ZFPM2: variants seen among roughly 807,000 people sequenced by gnomAD.
ZFPM2 encodes the protein zinc finger protein, FOG family member 2.
Under a neutral mutation model 98.6 loss-of-function variants are expected in ZFPM2, and 20 were observed. The observed-to-expected ratio is 0.20, with a 90% CI of 0.14 to 0.29. ZFPM2 has a LOEUF of 0.29. Among genes scored for constraint, ZFPM2 ranks in the 10% least tolerant of loss-of-function variants. The pLI is 1.00. For synonymous variants in ZFPM2, 518 were observed against 502.7 expected (o/e 1.03, Z -0.41); for missense variants, 1,310 against 1,388.6 (o/e 0.94, Z 0.90).
chr8:105,552,099 T>C (rs536110879), intron 3 of ZFPM2, among the ~76,000 whole-genome samples: 15 of 152,232 alleles, frequency 9.9e-5, no homozygotes, highest in Non-Finnish European at 2.2e-4. Flanking sequence ...GTTCTATTGA[T>C]GTTCTTTAAA....
At chr8:105,516,714 GT>G (rs1813929895) in intron 3 of ZFPM2, among the ~76,000 whole-genome samples, 1 of 152,060 alleles carries the variant, frequency 6.6e-6, no homozygotes, top group Non-Finnish European at 1.5e-5. Flanking sequence ...TTTGGCGAGG[GT>G]TGCTGTTCTG....
At chr8:105,375,140 G>A (rs1281331243) in intron 1 of ZFPM2, among the ~76,000 whole-genome samples, 4 of 151,980 alleles carry the variant, frequency 2.6e-5, no homozygotes, top group Non-Finnish European at 5.9e-5. Flanking sequence ...CCAGTCCATG[G>A]CAGCCTGGAT....
rs1317348344 is a variant in ZFPM2 at position 105,803,303 on chromosome 8, A to C, written c.3221A>C (p.Lys1074Thr). The C allele has an allele frequency of 6.3e-7, 1 of 1,595,494 alleles. No homozygotes were observed. The highest frequency in any genetic ancestry group is 1.1e-5 in the South Asian group (1 of 87,862). Residue 1074 changes from lysine to threonine, a missense_variant, in exon 8 of 8, where the codon AAA becomes ACA. Coordinates refer to ENST00000407775, the MANE Select transcript of ZFPM2 (RefSeq NM_012082.4). ...AATCCTCAGCACGAAGACGACCACAAATCTCCCTCGTGGATCTCTGAGAAC... is the reference window on the plus strand; with the variant it reads ...AATCCTCAGCACGAAGACGACCACACATCTCCCTCGTGGATCTCTGAGAAC... ...SQNPQHEDDH[K>T]SPSWISENPL...
rs143180363 is a variant in ZFPM2, at chr8:105,659,191, C to A, written c.532+24834C>A. ...TGTTTTGATCTGTATTTTATAGAAG[C>A]ATTGCCAGAGAAATACATTTTTAAG... is the stretch of plus-strand genomic sequence containing the variant. On this transcript the variant is annotated intron_variant, in intron 5 of 7. Coordinates refer to ENST00000407775, the MANE Select transcript of ZFPM2 (RefSeq NM_012082.4). Among the ~76,000 whole-genome samples the A allele has an allele frequency of 1.2e-3, 179 of 152,040 alleles. 1 individual carries two copies. Among genetic ancestry groups the A allele is most frequent in the African/African-American group, 4.2e-3 (176 of 41,476 alleles).
Position 105,332,086 on chromosome 8 carries a change from G to A in ZFPM2, c.40+13105G>A, listed in dbSNP as rs549342707. ...CTACATTTTATCTTTATGGGTCTTT[G>A]TTCTGTTCCGTAATCATGCCAAGCT... On this transcript the variant is annotated intron_variant, in intron 1 of 7. Coordinates refer to ENST00000407775, the MANE Select transcript of ZFPM2 (RefSeq NM_012082.4). Among the ~76,000 whole-genome samples, 30 of 151,742 alleles carry A rather than the reference G, an allele frequency of 2.0e-4. No individual in the cohort carries two copies. The East Asian group carries it at 4.9e-3, about 25-fold the overall frequency.
At chr8:105,579,946 A>T in intron 4 of ZFPM2, among the ~76,000 whole-genome samples, 1 of 152,162 alleles carries the variant, frequency 6.6e-6, no homozygotes. Context: ...GAACCAAGCC[A>T]TTGGCTAACC....
intron 3 of ZFPM2, among the ~76,000 whole-genome samples, chr8:105,532,534 G>A (rs1378807220): frequency 6.6e-6 from 1 of 152,158 alleles, no homozygotes; most frequent in East Asian, 1.9e-4. Context: ...ACAGTTACAT[G>A]TTTTAAAAAG....
intron 1 of ZFPM2, among the ~76,000 whole-genome samples, chr8:105,351,134 G>C (rs1812634383): frequency 7.4e-6 from 1 of 135,174 alleles, no homozygotes; most frequent in Non-Finnish European, 1.6e-5. Flanking sequence ...AGTGAGCCGA[G>C]ATCACACGAT....
intron 4 of ZFPM2, among the ~76,000 whole-genome samples, chr8:105,597,768 T>A (rs1347404859): frequency 1.3e-5 from 2 of 152,178 alleles, no homozygotes; most frequent in Non-Finnish European, 2.9e-5. Flanking sequence ...ATGTTTTAAA[T>A]GGTCTCCTAT....
intron 3 of ZFPM2, among the ~76,000 whole-genome samples, chr8:105,539,569 A>G (rs938262360): frequency 6.6e-6 from 1 of 152,202 alleles, no homozygotes; most frequent in Admixed American, 6.5e-5. Context: ...GACAATTTTT[A>G]TGTAGCGTCG....
At chr8:105,562,520 GGGCT>G (rs1479596271) in intron 4 of ZFPM2, among the ~76,000 whole-genome samples, 1 of 152,022 alleles carries the variant, frequency 6.6e-6, no homozygotes, top group East Asian at 1.9e-4. Context: ...GGGTGTCACT[GGGCT>G]AAAATCAAGG....
intron 3 of ZFPM2, among the ~76,000 whole-genome samples, chr8:105,465,582 T>C (rs1227027676): frequency 6.6e-6 from 1 of 151,930 alleles, no homozygotes; most frequent in African/African-American, 2.4e-5. Context: ...AAAAATATAG[T>C]TGATATATAT....
At chr8:105,381,298 A>G (rs1484229554) in intron 1 of ZFPM2, among the ~76,000 whole-genome samples, 2 of 151,892 alleles carry the variant, frequency 1.3e-5, no homozygotes, top group African/African-American at 2.4e-5. Flanking sequence ...TTCTGGCTGC[A>G]TAGTATTCCA....
intron 1 of ZFPM2, among the ~76,000 whole-genome samples, chr8:105,327,226 A>AT (rs1460141528): frequency 1.3e-5 from 2 of 151,634 alleles, no homozygotes; most frequent in Admixed American, 6.6e-5. Context: ...ATCTACATAG[A>AT]TTTTTTCAGT....
intron 5 of ZFPM2, among the ~76,000 whole-genome samples, chr8:105,744,540 A>G (rs1437076804): frequency 2.0e-5 from 3 of 152,130 alleles, no homozygotes; most frequent in Non-Finnish European, 4.4e-5. Flanking sequence ...TCACAAACTG[A>G]AAAAGGTCCA....
chr8:105,751,977 A>T (rs1166098121), intron 5 of ZFPM2, among the ~76,000 whole-genome samples: 1 of 152,064 alleles, frequency 6.6e-6, no homozygotes, highest in East Asian at 1.9e-4. Context: ...TACATTCGTT[A>T]TTGCATTGTG....
chr8:105,774,576 G>A (rs950428370), intron 5 of ZFPM2, among the ~76,000 whole-genome samples: 8 of 152,154 alleles, frequency 5.3e-5, no homozygotes, highest in Non-Finnish European at 1.2e-4. Flanking sequence ...GTTTTAAAAT[G>A]TCAATGTCAG....
chr8:105,369,920 T>A (rs996578051), intron 1 of ZFPM2, among the ~76,000 whole-genome samples: 1 of 152,148 alleles, frequency 6.6e-6, no homozygotes, highest in Admixed American at 6.6e-5. Context: ...TATAGTAGTA[T>A]GTATCTATGT....
chr8:105,780,084 A>T (rs1813205651), intron 5 of ZFPM2, among the ~76,000 whole-genome samples: 1 of 152,216 alleles, frequency 6.6e-6, no homozygotes, highest in East Asian at 1.9e-4. Context: ...AGGTCTTAGT[A>T]GTTATTCCTT....
Sources: allele counts gnomAD v4.1 joint callset (sites outside exome capture counted in the v4.1 genomes callset), GRCh38; gene constraint gnomAD v4.1.1; transcripts MANE v1.5; gene names NCBI Gene and HGNC (gene_info 2026-07-23, HGNC 2026-07-21).